DMD: variants seen among roughly 807,000 people sequenced by gnomAD.
DMD encodes mutant dystrophin.
Under a neutral mutation model 330.1 loss-of-function variants are expected in DMD, and 63 were observed. The observed-to-expected ratio is 0.19, with a 90% CI of 0.16 to 0.24. DMD has a LOEUF of 0.24. Among genes scored for constraint, DMD ranks in the 10% least tolerant of loss-of-function variants. The probability of loss-of-function intolerance (pLI) is 1.00; values close to 1 mark genes in which losing one functional copy is unlikely to be tolerated. For missense variants in DMD, 3,344 were observed against 2,684.1 expected (o/e 1.25, Z -5.43); for synonymous variants, 1,223 against 959.8 (o/e 1.27, Z -5.07).
At chrX:31,782,230 C>T (rs1302155479) in intron 50 of DMD, among the ~76,000 whole-genome samples, 1 of 111,236 alleles carries the variant, frequency 9.0e-6, no homozygotes, top group East Asian at 2.8e-4. Context: ...TCCAGATTCT[C>T]CCATTAAGAG....
chrX:32,295,557 G>T (rs934395709), intron 42 of DMD, among the ~76,000 whole-genome samples: 3 of 112,454 alleles, frequency 2.7e-5, no homozygotes. Flanking sequence ...CCCTTAAGAA[G>T]ATAATTGGTT....
At chrX:31,902,753 C>T (rs1297151499) in intron 47 of DMD, among the ~76,000 whole-genome samples, 1 of 111,497 alleles carries the variant, frequency 9.0e-6, no homozygotes, top group Admixed American at 9.5e-5. Context: ...AATTACATCC[C>T]GTATAATCCT....
chrX:33,122,711 A>G (rs184147190), intron 1 of DMD, among the ~76,000 whole-genome samples: 3 of 112,163 alleles, frequency 2.7e-5, no homozygotes, highest in Non-Finnish European at 5.6e-5. Context: ...ATATAGAGTG[A>G]AGCGAAGTAC....
At chrX:32,349,929 AT>A (rs1424937078) in intron 37 of DMD, among the ~76,000 whole-genome samples, 1 of 111,626 alleles carries the variant, frequency 9.0e-6, no homozygotes, top group Non-Finnish European at 1.9e-5. Flanking sequence ...TTACGGTACA[AT>A]AAAATCATAC....
chrX:31,679,056 A>T (rs2082235554), intron 53 of DMD, among the ~76,000 whole-genome samples: 3 of 109,832 alleles, frequency 2.7e-5, no homozygotes, highest in Non-Finnish European at 5.7e-5. Flanking sequence ...GAAAACAAAA[A>T]TTTTTAAAAA....
chrX:33,257,498 T>C (rs1439071306), intron 1 of DMD, among the ~76,000 whole-genome samples: 2 of 111,430 alleles, frequency 1.8e-5, no homozygotes, highest in African/African-American at 6.5e-5. Context: ...AAGAGATTAA[T>C]TCATCCTTAC....
At chrX:31,935,206 A>G (rs1392365153) in intron 45 of DMD, among the ~76,000 whole-genome samples, 1 of 111,768 alleles carries the variant, frequency 8.9e-6, no homozygotes, top group Admixed American at 9.5e-5. Context: ...TCTGACTCAG[A>G]GAGATGAAAG....
intron 52 of DMD, among the ~76,000 whole-genome samples, chrX:31,724,133 T>C (rs1198424155): frequency 8.9e-6 from 1 of 112,139 alleles, no homozygotes; most frequent in Non-Finnish European, 1.9e-5. Flanking sequence ...CTATAACAGG[T>C]TGACAGCAGG....
intron 2 of DMD, among the ~76,000 whole-genome samples, chrX:32,925,650 G>T (rs978831750): frequency 8.9e-6 from 1 of 111,868 alleles, no homozygotes; most frequent in African/African-American, 3.2e-5. Context: ...GAGGGAAATA[G>T]TATGTAAAAG....
At chrX:32,830,029 G>A (rs2079035696) in intron 4 of DMD, among the ~76,000 whole-genome samples, 1 of 111,596 alleles carries the variant, frequency 9.0e-6, no homozygotes, top group South Asian at 3.7e-4. Context: ...ACCAAGGAGT[G>A]TAAGAAATGC....
chrX:31,154,425 TG>T (rs1412604342), intron 74 of DMD, among the ~76,000 whole-genome samples: 6 of 109,478 alleles, frequency 5.5e-5, no homozygotes, highest in Non-Finnish European at 1.1e-4. Flanking sequence ...CCAGAGTCAC[TG>T]GGACTACAGG....
intron 59 of DMD, among the ~76,000 whole-genome samples, chrX:31,450,939 GCTTTAGCAGCTAATACTCAGAGTCA>G (rs1257741337): frequency 9.0e-6 from 1 of 111,389 alleles, no homozygotes; most frequent in Non-Finnish European, 1.9e-5. Flanking sequence ...AAACCATGAG[GCTTTAGCAGCTAATACTCAGAGTCA>G]CTGAGGAATG....
intron 2 of DMD, among the ~76,000 whole-genome samples, chrX:32,854,901 T>C (rs1189721278): frequency 9.0e-6 from 1 of 111,585 alleles, no homozygotes; most frequent in Non-Finnish European, 1.9e-5. Context: ...GGCTATTATC[T>C]CTGACAAATA....
At chrX:31,347,816 T>C (rs893177085) in intron 61 of DMD, among the ~76,000 whole-genome samples, 6 of 112,467 alleles carry the variant, frequency 5.3e-5, no homozygotes, top group Non-Finnish European at 7.5e-5. Flanking sequence ...CTGTTACTAA[T>C]TTACTGTTAC....
chrX:33,197,008 G>A (rs942998621), intron 1 of DMD, among the ~76,000 whole-genome samples: 1 of 111,164 alleles, frequency 9.0e-6, no homozygotes, highest in Non-Finnish European at 1.9e-5. Flanking sequence ...TACAAAGTAG[G>A]ACATATAGAA....
intron 44 of DMD, among the ~76,000 whole-genome samples, chrX:32,062,927 C>A (rs990087009): frequency 1.8e-5 from 2 of 108,883 alleles, no homozygotes; most frequent in Non-Finnish European, 3.8e-5. Context: ...GAAAAAAAAA[C>A]ACAGTAATTT....
At chrX:31,989,514 T>C (rs1216888532) in intron 44 of DMD, among the ~76,000 whole-genome samples, 2 of 111,600 alleles carry the variant, frequency 1.8e-5, no homozygotes, top group Non-Finnish European at 3.8e-5. Context: ...ATGAATCTAT[T>C]TGACAGACCT....
chrX:32,503,977 A>T (rs965362335), intron 18 of DMD, among the ~76,000 whole-genome samples: 11 of 112,341 alleles, frequency 9.8e-5, no homozygotes, highest in African/African-American at 2.9e-4. Flanking sequence ...TATTGGCAAA[A>T]GAACAGACAG....
chrX:32,541,815 A>G (rs916802227), intron 17 of DMD, among the ~76,000 whole-genome samples: 15 of 40,267 alleles, frequency 3.7e-4, no homozygotes, highest in African/African-American at 1.6e-3. Context: ...AAAGTTGGGA[A>G]AAAAAAAAAG....
Sources: allele counts gnomAD v4.1 joint callset (sites outside exome capture counted in the v4.1 genomes callset), GRCh38; gene constraint gnomAD v4.1.1; transcripts MANE v1.5; gene names NCBI Gene and HGNC (gene_info 2026-07-23, HGNC 2026-07-21).